Variants in SHANK2 observed in about 807,000 individuals in gnomAD.
SHANK2 encodes the protein SH3 and multiple ankyrin repeat domains protein 2.
A neutral mutation model predicts 133.7 loss-of-function variants in SHANK2; 43 were observed. That is an observed-to-expected ratio of 0.32 (90% confidence interval 0.25 to 0.41). The LOEUF is 0.41. Ranked by LOEUF, SHANK2 falls within the 10% of genes least tolerant of loss-of-function variation. The pLI is 1.00. For synonymous variants in SHANK2, 1,017 were observed against 952.8 expected (o/e 1.07, Z -1.24); for missense variants, 1,994 against 2,235.8 (o/e 0.89, Z 2.18).
intron 14 of SHANK2, among the ~76,000 whole-genome samples, chr11:70,769,594 C>T (rs1249905617): frequency 6.6e-6 from 1 of 152,202 alleles, no homozygotes; most frequent in African/African-American, 2.4e-5. Flanking sequence ...TCTGCGAGAG[C>T]ACATGAAATG....
chr11:71,185,909 G>A (rs1953660907), intron 2 of SHANK2, among the ~76,000 whole-genome samples: 1 of 152,158 alleles, frequency 6.6e-6, no homozygotes, highest in Non-Finnish European at 1.5e-5. Flanking sequence ...CCTGGAGAGG[G>A]AGGGGGACAT....
chr11:70,790,204 A>G (rs1190478246), intron 14 of SHANK2, among the ~76,000 whole-genome samples: 2 of 152,228 alleles, frequency 1.3e-5, no homozygotes, highest in Non-Finnish European at 2.9e-5. Context: ...ACCAGCCTGA[A>G]TTCACAGATG....
At chr11:71,096,320 C>T (rs1951611239) in intron 6 of SHANK2, among the ~76,000 whole-genome samples, 1 of 152,192 alleles carries the variant, frequency 6.6e-6, no homozygotes, top group African/African-American at 2.4e-5. Flanking sequence ...GCAAGGAAGG[C>T]TCAGCAAGGG....
At chr11:70,636,774 CTGTGTGAGCA>C (rs2061104916) in intron 17 of SHANK2, among the ~76,000 whole-genome samples, 4 of 104,648 alleles carry the variant, frequency 3.8e-5, no homozygotes, top group African/African-American at 1.1e-4. Flanking sequence ...GTGTGAGCAT[CTGTGTGAGCA>C]TGTGTGAGCG....
intron 11 of SHANK2, among the ~76,000 whole-genome samples, chr11:70,839,038 G>A (rs934539824): frequency 3.0e-4 from 46 of 152,166 alleles, no homozygotes; most frequent in East Asian, 5.8e-4. Flanking sequence ...TTTGTCCCGC[G>A]TTTGCCACTG....
chr11:71,207,154 G>A (rs1331468072), intron 2 of SHANK2, among the ~76,000 whole-genome samples: 2 of 149,204 alleles, frequency 1.3e-5, no homozygotes, highest in Admixed American at 6.7e-5. Context: ...GGAACATTTG[G>A]ATTCAACCAA....
chr11:70,841,291 C>T (rs1398820190), intron 11 of SHANK2, among the ~76,000 whole-genome samples: 1 of 152,144 alleles, frequency 6.6e-6, no homozygotes, highest in Non-Finnish European at 1.5e-5. Flanking sequence ...GCAATTATCA[C>T]CGCAGTGAAA....
rs76401333 is a variant in SHANK2 at position 70,555,108 on chromosome 11, G to A, written c.2062-52177C>T. Among the ~76,000 whole-genome samples the A allele has an allele frequency of 3.4e-4, 51 of 152,042 alleles. No homozygotes were observed. The East Asian group carries it at 9.5e-3, about 28-fold the overall frequency. On this transcript the variant is annotated intron_variant, in intron 17 of 25. Coordinates refer to ENST00000601538, the MANE Select transcript of SHANK2 (RefSeq NM_012309.5). ...ACTATTGGATTTTTTTGGGGGTGCCGTAAAACACACTCAAATAAGATGGTG... is the reference window on the plus strand; with the variant it reads ...ACTATTGGATTTTTTTGGGGGTGCCATAAAACACACTCAAATAAGATGGTG...
chr11:70,815,351 C>T (rs1555054075), intron 12 of SHANK2, among the ~76,000 whole-genome samples: 2 of 152,040 alleles, frequency 1.3e-5, no homozygotes, highest in Admixed American at 1.3e-4. Flanking sequence ...AAGTGTGGGG[C>T]GTGTTCCTCT....
intron 23 of SHANK2, chr11:70,489,684 A>C: frequency 2.2e-5 from 9 of 410,452 alleles, no homozygotes; most frequent in Admixed American, 4.0e-5. Context: ...GAATTATCTC[A>C]CAAAGGGACT....
intron 17 of SHANK2, among the ~76,000 whole-genome samples, chr11:70,514,541 T>A (rs79865558): frequency 0.02 from 3,070 of 152,332 alleles, 31 homozygotes; most frequent in South Asian, 0.074. Flanking sequence ...GGTTTACAAG[T>A]GTGTAGATGT....
chr11:70,680,490 G>A (rs141310330), intron 15 of SHANK2, among the ~76,000 whole-genome samples: 4 of 152,178 alleles, frequency 2.6e-5, no homozygotes, highest in Non-Finnish European at 5.9e-5. Context: ...CGCTCCCATC[G>A]TCCCAGCTCC....
At chr11:70,635,221 G>C (rs1397167461) in intron 17 of SHANK2, 3 of 152,246 alleles carry the variant, frequency 2.0e-5, no homozygotes, top group Non-Finnish European at 4.4e-5. Context: ...CGAAGGCATT[G>C]ACAGCGGGGT....
chr11:71,085,340 C>G (rs955295155), intron 8 of SHANK2, among the ~76,000 whole-genome samples: 64 of 150,186 alleles, frequency 4.3e-4, no homozygotes, highest in Admixed American at 2.9e-3. Flanking sequence ...CCTCTAATCC[C>G]AGGTACTTGG....
chr11:70,479,009 A>C lies in SHANK2; in HGVS notation c.4980-5570T>G, dbSNP rs1555150824. Among the ~76,000 whole-genome samples the C allele has an allele frequency of 6.6e-6, 1 of 152,208 alleles. No homozygotes were observed. Among genetic ancestry groups the C allele is most frequent in the African/African-American group, 2.4e-5 (1 of 41,448 alleles). On this transcript the variant is annotated intron_variant, in intron 25 of 25. Transcript: ENST00000601538. This position sits in a 1 kb window ranked among gnomAD's most constrained non-coding sequence, Gnocchi z 4.4. Reference sequence around the variant, plus strand: ...GATATGCTTTTGCCAAAAGGGCCTCATGTCCAAAATGGGGAGGAAGATTCT... The same window carrying C: ...GATATGCTTTTGCCAAAAGGGCCTCCTGTCCAAAATGGGGAGGAAGATTCT...
At chr11:71,097,884 C>G (rs1277816968) in intron 6 of SHANK2, among the ~76,000 whole-genome samples, 1 of 149,540 alleles carries the variant, frequency 6.7e-6, no homozygotes, top group African/African-American at 2.5e-5. Context: ...GCCTGTGTGC[C>G]TGTGTGTGCA....
intron 10 of SHANK2, among the ~76,000 whole-genome samples, chr11:70,939,453 G>C (rs1310035165): frequency 6.6e-6 from 1 of 152,098 alleles, no homozygotes; most frequent in African/African-American, 2.4e-5. Context: ...ACTCCAGCCT[G>C]GGCAACAGAG....
chr11:70,950,033 A>G (rs1328041336), intron 10 of SHANK2: 1 of 456,512 alleles, frequency 2.2e-6, no homozygotes, highest in Non-Finnish European at 4.4e-6. Context: ...ATGTGTCTTC[A>G]TGGGCGGAAA....
At chr11:70,505,981 C>A (rs12364162) in intron 17 of SHANK2, among the ~76,000 whole-genome samples, 38,061 of 152,166 alleles carry the variant, frequency 0.25, 5,236 homozygotes, top group African/African-American at 0.37. Context: ...TTGGGAGAAG[C>A]AGTTTGTTCC....
Sources: gnomAD v4.1 joint callset for allele counts (sites outside exome capture counted in the v4.1 genomes callset) on GRCh38, gnomAD v4.1.1 for gene constraint, Gnocchi (gnomAD v3.1) non-coding constraint, MANE v1.5 for transcripts, NCBI Gene and HGNC (gene_info 2026-07-23, HGNC 2026-07-21) for gene names.